The following MCCC2 variants were observed in gnomAD, a reference collection of about 807,000 sequenced individuals.
The protein encoded by MCCC2 is methylcrotonyl-CoA carboxylase subunit 2.
In MCCC2, 52 loss-of-function variants were observed where a neutral mutation model predicts 77.2. That is an observed-to-expected ratio of 0.67 (90% CI 0.54 to 0.85). MCCC2 has a LOEUF of 0.85. Ranked by LOEUF, MCCC2 falls within the 40% of genes least tolerant of loss-of-function variation. The pLI is 0.00. For synonymous variants in MCCC2, 253 were observed against 248.4 expected (o/e 1.02, Z -0.18); for missense variants, 682 against 703.2 (o/e 0.97, Z 0.34).
At chr5:71,613,978 A>G in intron 6 of MCCC2, among the ~76,000 whole-genome samples, 1 of 150,824 alleles carries the variant, frequency 6.6e-6, no homozygotes, top group East Asian at 1.9e-4. Context: ...AATTCATATT[A>G]TATAGTTCAT....
intron 2 of MCCC2, among the ~76,000 whole-genome samples, chr5:71,593,988 C>T (rs527615152): frequency 6.6e-6 from 1 of 152,170 alleles, no homozygotes; most frequent in South Asian, 2.1e-4. Flanking sequence ...GGGCTGGACT[C>T]GAAGTCGGGA....
chr5:71,595,824 C>A (rs556368048), intron 2 of MCCC2, among the ~76,000 whole-genome samples: 2 of 152,162 alleles, frequency 1.3e-5, no homozygotes, highest in Non-Finnish European at 2.9e-5. Context: ...TAAAAAGTTA[C>A]GGATCACTAA....
chr5:71,587,385 C>T lies in MCCC2; in HGVS notation c.-41C>T. ...AAGCGGCAGGGGAAAGCACCGGCTC[C>T]AGGCCAGCGTGGGCCGCTCTCTCGC... On this transcript the variant is annotated 5_prime_UTR_variant, in exon 1 of 17. Coordinates refer to ENST00000340941, the MANE Select transcript of MCCC2 (RefSeq NM_022132.5). The T allele has an allele frequency of 6.5e-7, 1 of 1,529,404 alleles. No homozygotes were observed. The highest frequency in any genetic ancestry group is 1.2e-5 in the South Asian group (1 of 83,306). The allele number at this position is 1,529,404 out of a possible 1,614,324, so 94.7% of individuals were successfully genotyped here.
chr5:71,622,414 C>A (rs929168929), intron 6 of MCCC2, among the ~76,000 whole-genome samples: 3 of 152,076 alleles, frequency 2.0e-5, no homozygotes, highest in Non-Finnish European at 4.4e-5. Context: ...TTTTTTGACT[C>A]ATTAAAAAAA....
Position 71,656,937 on chromosome 5 carries a change from C to G in MCCC2, c.*77C>G. ...AGTAGCCTTAAAATTTTAGACTTCT[C>G]GAACATGAGGCTGTTACAGTAATTT... On this transcript the variant is annotated 3_prime_UTR_variant, in exon 17 of 17. Transcript: ENST00000340941. 9.3e-7 allele frequency: 1 copy of G among 1,078,944 alleles called. No homozygotes were observed. The allele number at this position is 1,078,944 out of a possible 1,614,324, so 66.8% of individuals were successfully genotyped here. A position where few individuals can be genotyped will look rare whatever the true frequency, so the allele number is the denominator to read the frequency against.
intron 4 of MCCC2, 47 bp from the exon 5 acceptor site, chr5:71,602,459 G>T: frequency 1.9e-6 from 3 of 1,613,546 alleles, no homozygotes; most frequent in Non-Finnish European, 2.5e-6. Flanking sequence ...AATTAGTTTT[G>T]AAGAAATCTC....
At chr5:71,615,258 C>G (rs538226670) in intron 6 of MCCC2, among the ~76,000 whole-genome samples, 2 of 152,100 alleles carry the variant, frequency 1.3e-5, no homozygotes, top group Non-Finnish European at 2.9e-5. Flanking sequence ...CGTGAGCCAC[C>G]GCGCCCAGCC....
intron 6 of MCCC2, among the ~76,000 whole-genome samples, chr5:71,604,943 G>A (rs1745609894): frequency 7.0e-6 from 1 of 143,088 alleles, no homozygotes; most frequent in African/African-American, 2.6e-5. Context: ...AGTATTCCAT[G>A]GTGTATATGT....
chr5:71,635,565 C>T, intron 10 of MCCC2: 2 of 381,722 alleles, frequency 5.2e-6, no homozygotes, highest in South Asian at 4.5e-5. Flanking sequence ...CAATTGTCAG[C>T]TATTTCTTTT....
intron 6 of MCCC2, among the ~76,000 whole-genome samples, chr5:71,620,106 A>G (rs186131372): frequency 3.3e-5 from 5 of 152,324 alleles, no homozygotes; most frequent in Admixed American, 3.3e-4. Flanking sequence ...AGGAAACAGA[A>G]CATACTGGAT....
intron 6 of MCCC2, among the ~76,000 whole-genome samples, chr5:71,625,486 A>G (rs146168011): frequency 4.0e-4 from 61 of 152,102 alleles, no homozygotes; most frequent in Middle Eastern, 6.8e-3. Flanking sequence ...TTAAAAGTTT[A>G]TTTATGTGTT....
intron 10 of MCCC2, among the ~76,000 whole-genome samples, chr5:71,636,869 G>A (rs370722647): frequency 2.4e-4 from 37 of 151,502 alleles, no homozygotes; most frequent in African/African-American, 7.5e-4. Flanking sequence ...TCAGCCTCCC[G>A]AGTAGCTGGG....
chr5:71,658,280 C>G lies in MCCC2; in HGVS notation c.*1420C>G, dbSNP rs1212727735. On this transcript the variant is annotated 3_prime_UTR_variant, in exon 17 of 17. Coordinates refer to ENST00000340941, the MANE Select transcript of MCCC2 (RefSeq NM_022132.5). ...TCCCACCTTAGGGTCTATAAGGTTC[C>G]CTCTGCCCAAATTGTTCTACTCTCC... 6 of 152,102 alleles carry G rather than the reference C, an allele frequency of 3.9e-5. No homozygotes were observed. The highest frequency in any genetic ancestry group is 6.6e-5 in the Admixed American group (1 of 15,260). 9.4% of individuals were successfully genotyped at this position (152,102 alleles called of 1,614,324 possible).
Position 71,593,074 on chromosome 5 carries a change from A to T in MCCC2, c.196+82A>T, listed in dbSNP as rs1184227668. On this transcript the variant is annotated intron_variant, in intron 2 of 16. Coordinates refer to ENST00000340941, the MANE Select transcript of MCCC2 (RefSeq NM_022132.5). The stretch of plus-strand genomic sequence containing the variant: ...TTATTGCTTTTAGGAAAAATACTGG[A>T]ATTAAGCTTTTGATATTTTTTTTTT... 2.5e-6 allele frequency: 3 copies of T among 1,215,204 alleles called. No individual in the cohort carries two copies. The African/African-American group carries it at 4.6e-5, about 18-fold the overall frequency. 75.3% of individuals were successfully genotyped at this position (1,215,204 alleles called of 1,614,324 possible).
At chr5:71,649,323 C>T (rs1371783994) in intron 14 of MCCC2, 70 bp downstream of exon 14, 1 of 1,429,870 alleles carries the variant, frequency 7.0e-7, no homozygotes, top group Admixed American at 1.7e-5. Context: ...CAGTTTATTT[C>T]AGGTGTATTT....
intron 1 of MCCC2, among the ~76,000 whole-genome samples, chr5:71,589,930 A>G (rs576129357): frequency 6.6e-6 from 1 of 152,290 alleles, no homozygotes; most frequent in South Asian, 2.1e-4. Flanking sequence ...CTGTTGCTCT[A>G]TAATGCTTCT....
chr5:71,635,442 G>A, intron 10 of MCCC2, 196 bp downstream of exon 10: 1 of 657,062 alleles, frequency 1.5e-6, no homozygotes, highest in Non-Finnish European at 2.8e-6. Flanking sequence ...TACTGAAAGA[G>A]GGGAGTGGGG....
intron 6 of MCCC2, among the ~76,000 whole-genome samples, chr5:71,606,379 C>T (rs1190015397): frequency 6.6e-6 from 1 of 152,098 alleles, no homozygotes; most frequent in Non-Finnish European, 1.5e-5. Flanking sequence ...CTCTGTTTGT[C>T]TGTTGTTGGT....
chr5:71,596,276 A>G lies in MCCC2; in HGVS notation c.197-4A>G. The G allele has an allele frequency of 1.2e-6, 2 of 1,612,952 alleles. No individual in the cohort carries two copies. The highest frequency in any genetic ancestry group is 1.7e-6 in the Non-Finnish European group (2 of 1,178,974). On this transcript the variant is annotated splice_region_variant and splice_polypyrimidine_tract_variant and intron_variant, in intron 2 of 16. Transcript: ENST00000340941. ...AATCTAATCTAATCACATTTCTATC[A>G]TAGGAGGTGGTGAGAAAGCCCGAGC...
Sources: gnomAD v4.1 joint callset for allele counts (sites outside exome capture counted in the v4.1 genomes callset) on GRCh38, gnomAD v4.1.1 for gene constraint, MANE v1.5 for transcripts, NCBI Gene and HGNC (gene_info 2026-07-23, HGNC 2026-07-21) for gene names.